Variants in CORIN observed in about 807,000 individuals in gnomAD.
The protein encoded by CORIN is corin, serine peptidase.
Under a neutral mutation model 125.3 loss-of-function variants are expected in CORIN, and 117 were observed. The ratio of observed to expected loss-of-function variants is 0.93; its 90% confidence interval spans 0.80 to 1.09. CORIN has a LOEUF of 1.09. CORIN is among the 50% of genes least tolerant of loss of function. The pLI is 0.00. For synonymous variants in CORIN, 450 were observed against 466.4 expected, an observed-to-expected ratio of 0.96 and a Z score of 0.45; for missense variants, 1,253 against 1,306.7, an observed-to-expected ratio of 0.96 and a Z score of 0.63.
rs1171936473 is a variant in CORIN, at chr4:47,699,423, T to TA, written c.800-6341dup. 3.9e-5 allele frequency among the ~76,000 whole-genome samples: 6 copies of TA among 152,310 alleles called. No homozygotes were observed. In the East Asian group the frequency reaches 9.7e-4, roughly 25 times the overall value. On this transcript the variant is annotated intron_variant, in intron 5 of 21. Transcript: ENST00000273857. Reference sequence around the variant, plus strand: ...AGACCATCAAAATTGCAGTCTTCTTTAAAAAAACTGTTTTATTATAGCTCA... The same window carrying TA: ...AGACCATCAAAATTGCAGTCTTCTTTAAAAAAAACTGTTTTATTATAGCTCA...
chr4:47,714,807 A>C (rs1393790726), intron 5 of CORIN, among the ~76,000 whole-genome samples: 1 of 152,212 alleles, frequency 6.6e-6, no homozygotes, highest in Non-Finnish European at 1.5e-5. Context: ...CAGATTTTTT[A>C]GCTAGAGGAA....
At chr4:47,752,635 G>T (rs1728953976) in intron 4 of CORIN, among the ~76,000 whole-genome samples, 1 of 152,130 alleles carries the variant, frequency 6.6e-6, no homozygotes, top group Non-Finnish European at 1.5e-5. Context: ...CAGACTGAGG[G>T]TCTTGTTTGC....
Position 47,729,397 on chromosome 4 carries a change from C to T in CORIN, c.799+15005G>A, listed in dbSNP as rs545764571. Among the ~76,000 whole-genome samples, 7 of 152,220 alleles carry T rather than the reference C, an allele frequency of 4.6e-5. 1 individual carries two copies. The highest frequency in any genetic ancestry group is 2.6e-4 in the Admixed American group (4 of 15,292). On this transcript the variant is annotated intron_variant, in intron 5 of 21. Coordinates refer to ENST00000273857, the MANE Select transcript of CORIN (RefSeq NM_006587.4). ...TTTTGACCACTCTCCCTAGCATGTT[C>T]TATGTAACAGCCCTACAGACAGTTT...
At chr4:47,691,147 T>C (rs368017139) in intron 6 of CORIN, among the ~76,000 whole-genome samples, 1 of 152,186 alleles carries the variant, frequency 6.6e-6, no homozygotes, top group East Asian at 1.9e-4. Flanking sequence ...CTTACAGGGT[T>C]TGGAGTGCAA....
intron 6 of CORIN, among the ~76,000 whole-genome samples, chr4:47,690,650 G>C (rs1416955384): frequency 6.6e-6 from 1 of 152,134 alleles, no homozygotes; most frequent in Admixed American, 6.5e-5. Flanking sequence ...GAGAACCTTA[G>C]GAACTAGGCA....
chr4:47,731,466 G>T (rs1727868797), intron 5 of CORIN, among the ~76,000 whole-genome samples: 1 of 152,162 alleles, frequency 6.6e-6, no homozygotes, highest in African/African-American at 2.4e-5. Flanking sequence ...AGTGTCTACA[G>T]GTGAAATGAG....
At chr4:47,724,445 A>G (rs1209135154) in intron 5 of CORIN, among the ~76,000 whole-genome samples, 2 of 152,096 alleles carry the variant, frequency 1.3e-5, no homozygotes, top group East Asian at 3.8e-4. Flanking sequence ...AAGGAAGGAG[A>G]ATGAGATTTG....
chr4:47,595,607 G>A lies in CORIN; in HGVS notation c.*114C>T. On this transcript the variant is annotated 3_prime_UTR_variant, in exon 22 of 22. Transcript: ENST00000273857. ...ATGCAAATTTGCAGTGCACGATTGAGCATTTCTGTCCATGAAAAGTGCTTC... is the reference window on the plus strand; with the variant it reads ...ATGCAAATTTGCAGTGCACGATTGAACATTTCTGTCCATGAAAAGTGCTTC... 1 of 686,402 alleles carries A rather than the reference G, an allele frequency of 1.5e-6. No individual in the cohort carries two copies. The highest frequency in any genetic ancestry group is 2.3e-6 in the Non-Finnish European group (1 of 433,176). The allele number at this position is 686,402 out of a possible 1,614,324, so 42.5% of individuals were successfully genotyped here.
intron 2 of CORIN, among the ~76,000 whole-genome samples, chr4:47,801,255 T>C (rs1174587144): frequency 6.6e-6 from 1 of 152,228 alleles, no homozygotes; most frequent in Non-Finnish European, 1.5e-5. Context: ...GTATCTCTAA[T>C]ACACAAATCA....
At chr4:47,757,168 A>AT (rs61456068) in intron 4 of CORIN, among the ~76,000 whole-genome samples, 253 of 151,842 alleles carry the variant, frequency 1.7e-3, no homozygotes, top group African/African-American at 5.8e-3. Flanking sequence ...TGACTTTAGA[A>AT]TTTTTTTTTA....
intron 2 of CORIN, among the ~76,000 whole-genome samples, chr4:47,804,524 C>A (rs564316433): frequency 6.6e-6 from 1 of 151,800 alleles, no homozygotes; most frequent in Admixed American, 6.6e-5. Context: ...ACTATGCAGC[C>A]ATAAAAAGGA....
At chr4:47,750,653 C>T (rs1451708627) in intron 4 of CORIN, among the ~76,000 whole-genome samples, 4 of 152,106 alleles carry the variant, frequency 2.6e-5, no homozygotes, top group South Asian at 2.1e-4. Context: ...TGATAGGGGT[C>T]GTGGCCTCTT....
chr4:47,742,413 ATTG>A (rs1295748378), intron 5 of CORIN, among the ~76,000 whole-genome samples: 1 of 152,038 alleles, frequency 6.6e-6, no homozygotes, highest in African/African-American at 2.4e-5. Flanking sequence ...AATTATAAAA[ATTG>A]TTGAGTGATT....
chr4:47,719,950 T>C (rs900895434), intron 5 of CORIN, among the ~76,000 whole-genome samples: 14 of 152,226 alleles, frequency 9.2e-5, no homozygotes, highest in African/African-American at 3.4e-4. Context: ...TTAGCCTCAC[T>C]TTTCATTTAA....
At position 47,696,257 on chromosome 4, in the gene CORIN, T is replaced by C. The variant is rs185431744; in HGVS notation, c.800-3174A>G. On this transcript the variant is annotated intron_variant, in intron 5 of 21. Transcript: ENST00000273857. The stretch of plus-strand genomic sequence containing the variant: ...CAGGCTTTTGAGTGGCCCCTTAGGA[T>C]GACAAAGGGAGATTCCATGAGAAGT... 5.9e-3 allele frequency among the ~76,000 whole-genome samples: 892 copies of C among 152,288 alleles called. 4 individuals are homozygous for C. The highest frequency in any genetic ancestry group is 9.2e-3 in the Non-Finnish European group (624 of 68,018).
intron 5 of CORIN, among the ~76,000 whole-genome samples, chr4:47,742,987 T>C (rs1728480343): frequency 6.6e-6 from 1 of 152,054 alleles, no homozygotes; most frequent in African/African-American, 2.4e-5. Flanking sequence ...GAGGGAAAAA[T>C]TGTCTTCTAA....
At chr4:47,642,195 A>T in intron 15 of CORIN, 146 bp from the exon 16 acceptor site, 1 of 755,642 alleles carries the variant, frequency 1.3e-6, no homozygotes, top group Middle Eastern at 4.3e-4. Context: ...CCCTGTGCAA[A>T]TCACTGCCTT....
chr4:47,722,333 T>C (rs1032044182), intron 5 of CORIN, among the ~76,000 whole-genome samples: 21 of 152,314 alleles, frequency 1.4e-4, no homozygotes, highest in African/African-American at 5.1e-4. Context: ...TTAAATTTCC[T>C]CTTTTCTATC....
intron 3 of CORIN, among the ~76,000 whole-genome samples, chr4:47,776,470 A>C (rs538038569): frequency 6.6e-6 from 1 of 152,344 alleles, no homozygotes; most frequent in South Asian, 2.1e-4. Flanking sequence ...TTCATTTAAA[A>C]AAATTTCTCA....
Sources: gnomAD v4.1 joint callset for allele counts (sites outside exome capture counted in the v4.1 genomes callset) on GRCh38, gnomAD v4.1.1 for gene constraint, MANE v1.5 for transcripts, NCBI Gene and HGNC (gene_info 2026-07-23, HGNC 2026-07-21) for gene names.